The following TMEFF2 variants were observed in gnomAD, a reference collection of about 807,000 sequenced individuals.
TMEFF2 encodes the protein tomoregulin-2.
TMEFF2 carries 28 observed loss-of-function variants against 53.8 expected under a neutral mutation model. The observed-to-expected ratio is 0.52, with a 90% CI of 0.39 to 0.71. The LOEUF is 0.71. TMEFF2 is among the 30% of genes least tolerant of loss of function. The pLI is 0.00. For missense variants in TMEFF2, 353 were observed against 455.2 expected, an observed-to-expected ratio of 0.78 and a Z score of 2.04; for synonymous variants, 162 against 166.3, an observed-to-expected ratio of 0.97 and a Z score of 0.20.
intron 1 of TMEFF2, among the ~76,000 whole-genome samples, chr2:192,192,611 A>G (rs536827319): frequency 1.6e-4 from 24 of 152,284 alleles, no homozygotes; most frequent in African/African-American, 5.3e-4. Flanking sequence ...CTATCTGCAA[A>G]ACCAGTTTAT....
chr2:192,129,558 A>C (rs1689762191), intron 4 of TMEFF2, among the ~76,000 whole-genome samples: 1 of 152,196 alleles, frequency 6.6e-6, no homozygotes, highest in African/African-American at 2.4e-5. Context: ...GCATTCTTAC[A>C]TTTCAATTCT....
chr2:192,020,033 C>T (rs766401767), intron 5 of TMEFF2, among the ~76,000 whole-genome samples: 2 of 151,998 alleles, frequency 1.3e-5, no homozygotes, highest in Non-Finnish European at 2.9e-5. Flanking sequence ...GGGAGCACAA[C>T]CAAGATGTTC....
intron 4 of TMEFF2, among the ~76,000 whole-genome samples, chr2:192,133,382 C>G (rs566648100): frequency 6.6e-6 from 1 of 152,216 alleles, no homozygotes; most frequent in South Asian, 2.1e-4. Context: ...ACCTAATCAC[C>G]CTTACCCCAC....
chr2:192,132,749 T>A (rs1412588801), intron 4 of TMEFF2, among the ~76,000 whole-genome samples: 4 of 152,080 alleles, frequency 2.6e-5, no homozygotes, highest in African/African-American at 9.7e-5. Flanking sequence ...CAGCCCAGGA[T>A]TCCTCCAAGC....
chr2:192,065,720 G>A (rs1358781318), intron 4 of TMEFF2, among the ~76,000 whole-genome samples: 2 of 151,328 alleles, frequency 1.3e-5, no homozygotes, highest in Non-Finnish European at 3.0e-5. Context: ...AATGACTATC[G>A]AGTTATGAAC....
chr2:192,076,954 T>C (rs988208801), intron 4 of TMEFF2, among the ~76,000 whole-genome samples: 1 of 152,202 alleles, frequency 6.6e-6, no homozygotes, highest in Non-Finnish European at 1.5e-5. Flanking sequence ...AATGGGACAA[T>C]CCGAGCTTCA....
chr2:192,172,932 CT>C (rs1690950862), intron 4 of TMEFF2, among the ~76,000 whole-genome samples: 1 of 151,902 alleles, frequency 6.6e-6, no homozygotes, highest in South Asian at 2.1e-4. Flanking sequence ...ACCATATTTA[CT>C]GCATAAAGTG....
chr2:192,193,808 A>AGAGAGGGAGAGAGAG (rs1574453002), intron 1 of TMEFF2, among the ~76,000 whole-genome samples: 1 of 142,734 alleles, frequency 7.0e-6, no homozygotes, highest in African/African-American at 2.6e-5. Flanking sequence ...AGAGAGAGAG[A>AGAGAGGGAGAGAGAG]AATTCTATTG....
At chr2:192,119,037 G>T (rs1190704787) in intron 4 of TMEFF2, among the ~76,000 whole-genome samples, 2 of 152,048 alleles carry the variant, frequency 1.3e-5, no homozygotes, top group Non-Finnish European at 2.9e-5. Flanking sequence ...TGTTTTGAAT[G>T]TTTAATCTCT....
intron 4 of TMEFF2, among the ~76,000 whole-genome samples, chr2:192,166,341 T>C (rs1046986305): frequency 4.0e-5 from 6 of 150,452 alleles, no homozygotes; most frequent in African/African-American, 1.5e-4. Context: ...TCAAAACTCT[T>C]TATGACTTTC....
intron 5 of TMEFF2, among the ~76,000 whole-genome samples, chr2:192,023,006 CTTTTT>C (rs201707338): frequency 4.6e-5 from 7 of 151,168 alleles, no homozygotes; most frequent in African/African-American, 1.7e-4. Context: ...ATTTTTTTAT[CTTTTT>C]TTTTACTTGC....
chr2:192,081,913 G>A (rs1284827388), intron 4 of TMEFF2, among the ~76,000 whole-genome samples: 1 of 148,702 alleles, frequency 6.7e-6, no homozygotes, highest in African/African-American at 2.5e-5. Context: ...CCATTCTCCT[G>A]CCTCAGCCTC....
intron 8 of TMEFF2, among the ~76,000 whole-genome samples, 155 bp downstream of exon 8, chr2:191,956,100 G>T (rs1692082394): frequency 1.3e-5 from 2 of 152,162 alleles, no homozygotes; most frequent in Admixed American, 1.3e-4. Context: ...GAGTATGTGT[G>T]TATGTGTGTA....
chr2:192,042,581 G>A (rs1687513100), intron 5 of TMEFF2, among the ~76,000 whole-genome samples: 1 of 152,132 alleles, frequency 6.6e-6, no homozygotes, highest in African/African-American at 2.4e-5. Context: ...CTAGGGTATG[G>A]GATAATGGTG....
intron 5 of TMEFF2, among the ~76,000 whole-genome samples, chr2:192,024,692 T>A (rs979604191): frequency 1.3e-5 from 2 of 152,244 alleles, no homozygotes; most frequent in Non-Finnish European, 1.5e-5. Flanking sequence ...GCCAGAATTT[T>A]ACTTTTTTAA....
At chr2:191,991,919 A>C (rs1686119279) in intron 7 of TMEFF2, among the ~76,000 whole-genome samples, 1 of 152,118 alleles carries the variant, frequency 6.6e-6, no homozygotes, top group Non-Finnish European at 1.5e-5. Context: ...GACTGGCTAC[A>C]TGATTTTATG....
At position 192,193,747 on chromosome 2, in the gene TMEFF2, GAGAGATAGATAGAT is replaced by G. The variant is rs1191727238; in HGVS notation, c.172+592_172+605del. Among the ~76,000 whole-genome samples the G allele has an allele frequency of 9.4e-3, 327 of 34,772 alleles. 2 individuals carry two copies. The highest frequency in any genetic ancestry group is 0.016 in the Non-Finnish European group (270 of 17,344). 22.8% of individuals were successfully genotyped at this position (34,772 alleles called of 152,430 possible). On this transcript the variant is annotated intron_variant, in intron 1 of 9. Transcript: ENST00000272771. ...AGGAGAGAAGGGAATGAGAGAGAGAGAGAGATAGATAGATAGAGAGAGAGAGAGAGAGAGAGAGA... is the reference window on the plus strand; with the variant it reads ...AGGAGAGAAGGGAATGAGAGAGAGAGAGAGAGAGAGAGAGAGAGAGAGAGA...
At chr2:192,021,923 T>C (rs1230320389) in intron 5 of TMEFF2, 1 of 152,222 alleles carries the variant, frequency 6.6e-6, no homozygotes, top group Non-Finnish European at 1.5e-5. Context: ...TTGCCTGGAA[T>C]TAAGATTTGT....
At chr2:192,126,467 GA>G (rs74749541) in intron 4 of TMEFF2, among the ~76,000 whole-genome samples, 1 of 152,038 alleles carries the variant, frequency 6.6e-6, no homozygotes. Flanking sequence ...ATATATGTCA[GA>G]AAAAAATATC....
Sources: allele counts gnomAD v4.1 joint callset (sites outside exome capture counted in the v4.1 genomes callset), GRCh38; gene constraint gnomAD v4.1.1; transcripts MANE v1.5; gene names NCBI Gene and HGNC (gene_info 2026-07-23, HGNC 2026-07-21).